Variants in ABCB5 observed in about 807,000 individuals in gnomAD.
ABCB5 encodes ATP-binding cassette sub-family B member 5.
In ABCB5, 155 loss-of-function variants were observed where a neutral mutation model predicts 144.2. The ratio of observed to expected loss-of-function variants is 1.08; its 90% CI spans 0.94 to 1.23. The LOEUF (loss-of-function observed/expected upper bound fraction) is 1.23. ABCB5 is among the 50% of genes most tolerant of loss of function. The pLI is 0.00. For synonymous variants in ABCB5, 610 were observed against 528.6 expected (o/e 1.15, Z -2.11); for missense variants, 1,830 against 1,520.8 (o/e 1.20, Z -3.38).
At chr7:20,630,778 T>C (rs944766765) in intron 4 of ABCB5, among the ~76,000 whole-genome samples, 2 of 152,186 alleles carry the variant, frequency 1.3e-5, no homozygotes, top group African/African-American at 4.8e-5. Context: ...AAGTTTATTC[T>C]GTAATTGATT....
intron 13 of ABCB5, among the ~76,000 whole-genome samples, chr7:20,654,734 A>G (rs926196681): frequency 2.6e-5 from 4 of 152,194 alleles, no homozygotes; most frequent in African/African-American, 9.6e-5. Context: ...ATATATCTCA[A>G]AAAAGAAATT....
intron 5 of ABCB5, among the ~76,000 whole-genome samples, chr7:20,632,703 C>A (rs1281264872): frequency 6.6e-6 from 1 of 152,056 alleles, no homozygotes; most frequent in Non-Finnish European, 1.5e-5. Flanking sequence ...GAGTTCATGT[C>A]CTTTGTAGGG....
chr7:20,730,416 T>G (rs149960451), intron 23 of ABCB5, among the ~76,000 whole-genome samples: 5,281 of 152,116 alleles, frequency 0.035, 118 homozygotes, highest in Admixed American at 0.051. Flanking sequence ...GGCTGAGGCA[T>G]GAGAATCACT....
In ABCB5 at chr7:20,755,935, G is replaced by A. The variant is rs917424469; in HGVS notation, c.*311G>A. ...TCCCATCAACTTCTGCTATAAAATC[G>A]GAAATATGTTTCCAGGGGGAATATT... On this transcript the variant is annotated 3_prime_UTR_variant, in exon 28 of 28. Coordinates refer to ENST00000404938, the MANE Select transcript of ABCB5 (RefSeq NM_001163941.2). 9 of 310,678 alleles carry A rather than the reference G, an allele frequency of 2.9e-5. No homozygotes were observed. The highest frequency in any genetic ancestry group is 1.3e-4 in the African/African-American group (6 of 46,286). The allele number at this position is 310,678 out of a possible 1,614,324, so 19.2% of individuals were successfully genotyped here.
intron 1 of ABCB5, among the ~76,000 whole-genome samples, chr7:20,616,502 T>G (rs756148234): frequency 1.3e-5 from 2 of 152,236 alleles, no homozygotes; most frequent in Non-Finnish European, 2.9e-5. Flanking sequence ...TACATGAACC[T>G]AGAAATATTT....
chr7:20,666,133 G>A (rs536244604), intron 14 of ABCB5, among the ~76,000 whole-genome samples: 2 of 149,922 alleles, frequency 1.3e-5, no homozygotes, highest in East Asian at 3.9e-4. Context: ...GCACGCCATT[G>A]CACTCCAGCC....
intron 7 of ABCB5, among the ~76,000 whole-genome samples, chr7:20,645,151 T>C (rs1041084927): frequency 6.6e-6 from 1 of 152,230 alleles, no homozygotes; most frequent in African/African-American, 2.4e-5. Flanking sequence ...GTGGATGGCT[T>C]CTAGCTTCCT....
At chr7:20,689,836 A>G (rs906144432) in intron 16 of ABCB5, among the ~76,000 whole-genome samples, 1 of 152,286 alleles carries the variant, frequency 6.6e-6, no homozygotes, top group East Asian at 1.9e-4. Flanking sequence ...GTGAATTTGA[A>G]CCAGAGAGGC....
At chr7:20,755,109 C>T (rs772397853) in intron 27 of ABCB5, among the ~76,000 whole-genome samples, 1 of 152,132 alleles carries the variant, frequency 6.6e-6, no homozygotes, top group Non-Finnish European at 1.5e-5. Flanking sequence ...GCCACCACAC[C>T]CAGCTAATTT....
intron 5 of ABCB5, among the ~76,000 whole-genome samples, chr7:20,633,072 C>CAAAT (rs58031376): frequency 0.24 from 36,609 of 151,026 alleles, 5,213 homozygotes; most frequent in African/African-American, 0.4. Flanking sequence ...TAAAAATCAA[C>CAAAT]AAATAGTAAA....
intron 24 of ABCB5, among the ~76,000 whole-genome samples, chr7:20,741,095 T>G (rs1583463856): frequency 7.1e-6 from 1 of 139,992 alleles, no homozygotes; most frequent in Non-Finnish European, 1.5e-5. Flanking sequence ...AGAGCGAGAC[T>G]CCTTCTCAAA....
chr7:20,625,033 G>A (rs144971818), intron 2 of ABCB5, among the ~76,000 whole-genome samples: 28 of 152,322 alleles, frequency 1.8e-4, no homozygotes, highest in African/African-American at 6.5e-4. Flanking sequence ...AGGTCAATCG[G>A]AGTTAGAAAT....
intron 4 of ABCB5, among the ~76,000 whole-genome samples, chr7:20,630,411 A>C (rs1242073758): frequency 6.6e-6 from 1 of 152,066 alleles, no homozygotes; most frequent in Non-Finnish European, 1.5e-5. Context: ...AAATCTTTAA[A>C]GCAAAAAAAA....
chr7:20,738,246 A>G (rs947781270), intron 23 of ABCB5, among the ~76,000 whole-genome samples: 25 of 152,222 alleles, frequency 1.6e-4, no homozygotes, highest in African/African-American at 5.1e-4. Flanking sequence ...CACTACTTTC[A>G]TATCTAAAAT....
chr7:20,739,116 C>T lies in ABCB5; in HGVS notation c.3001C>T (p.Arg1001Cys), dbSNP rs946821363. ...GGAAAAGAAACCAAATATAGACAGC[C>T]GCAGTCAAGAAGGGAAAAAGCCAGT... ...LLEKKPNIDSRSQEGKKPDTC... is the reference protein window; with the variant it reads ...LLEKKPNIDSCSQEGKKPDTC... The change falls in exon 24 of 28, where the codon CGC becomes TGC. Residue 1001 changes from arginine to cysteine, a missense_variant. By Grantham distance (180) the Arg-to-Cys change is radical. Transcript: ENST00000404938. The T allele has an allele frequency of 3.1e-6, 5 of 1,605,164 alleles. No homozygotes were observed. Among genetic ancestry groups the T allele is most frequent in the Admixed American group, 1.7e-5 (1 of 58,480 alleles).
intron 11 of ABCB5, among the ~76,000 whole-genome samples, chr7:20,648,402 C>G (rs758705977): frequency 2.6e-5 from 4 of 152,176 alleles, no homozygotes; most frequent in Non-Finnish European, 5.9e-5. Context: ...ACTCAACATA[C>G]TCATTTTAAC....
In ABCB5 at chr7:20,623,338, G is replaced by T; in HGVS notation, c.53G>T (p.Gly18Val). The change falls in exon 2 of 28, where the codon GGA becomes GTA. Residue 18 changes from glycine to valine, a missense_variant and splice_region_variant. Physicochemically the swap from Gly to Val is moderately radical, Grantham distance 109 (BLOSUM62 -3). Coordinates refer to ENST00000404938, the MANE Select transcript of ABCB5 (RefSeq NM_001163941.2). ...EEMQENYQRNGTAEEQPKLRK... is the reference protein window; with the variant it reads ...EEMQENYQRNVTAEEQPKLRK... ...ATGCAAGAAAATTATCAGAGAAATG[G>T]GTAAGCTCTCACTAAGTTCTGTAAG... 6.5e-7 allele frequency: 1 copy of T among 1,548,544 alleles called. No homozygotes were observed.
chr7:20,754,487 G>T (rs762248327), intron 27 of ABCB5, among the ~76,000 whole-genome samples: 6 of 152,164 alleles, frequency 3.9e-5, no homozygotes, highest in Admixed American at 2.0e-4. Flanking sequence ...GTTATTGAAA[G>T]AATTTAAATG....
chr7:20,730,374 C>T (rs935671123), intron 23 of ABCB5, among the ~76,000 whole-genome samples: 9 of 152,084 alleles, frequency 5.9e-5, no homozygotes, highest in African/African-American at 2.2e-4. Flanking sequence ...CCATGTATGG[C>T]GGTGCATGCC....
Sources: allele counts gnomAD v4.1 joint callset (sites outside exome capture counted in the v4.1 genomes callset), GRCh38; gene constraint gnomAD v4.1.1; transcripts MANE v1.5; gene names NCBI Gene and HGNC (gene_info 2026-07-23, HGNC 2026-07-21).